Variants in PRKAA1 observed in about 807,000 individuals in gnomAD.
PRKAA1 encodes the protein protein kinase AMP-activated catalytic subunit alpha 1.
In PRKAA1, 23 loss-of-function variants were observed where a neutral mutation model predicts 56.9. The ratio of observed to expected loss-of-function variants is 0.40; its 90% CI spans 0.29 to 0.57. PRKAA1 has a LOEUF of 0.57. PRKAA1 is among the 20% of genes least tolerant of loss of function. The probability of loss-of-function intolerance (pLI) is 0.39; values close to 1 mark genes in which losing one functional copy is unlikely to be tolerated. For synonymous variants in PRKAA1, 226 were observed against 227.0 expected, an observed-to-expected ratio of 1.00 and a Z score of 0.04; for missense variants, 413 against 679.7, an observed-to-expected ratio of 0.61 and a Z score of 4.36.
rs538267468 is a variant in PRKAA1 at position 40,759,931 on chromosome 5, T to C, written c.*2847A>G. The C allele has an allele frequency of 2.0e-5, 3 of 152,788 alleles. No individual in the cohort carries two copies. In the East Asian group the frequency reaches 5.7e-4, roughly 29 times the overall value. The allele number at this position is 152,788 out of a possible 1,614,324, so 9.5% of individuals were successfully genotyped here. On this transcript the variant is annotated 3_prime_UTR_variant, in exon 9 of 9. Coordinates refer to ENST00000397128, the MANE Select transcript of PRKAA1 (RefSeq NM_006251.6). ...TAGAAAAGTTCCTCTCAGTGAGAAA[T>C]CATTTATTTTAATGGCAAAATTTTT... is the stretch of plus-strand genomic sequence containing the variant.
At chr5:40,779,666 C>T (rs1440405877) in intron 1 of PRKAA1, among the ~76,000 whole-genome samples, 1 of 152,160 alleles carries the variant, frequency 6.6e-6, no homozygotes, top group African/African-American at 2.4e-5. Flanking sequence ...CCTGAATCTT[C>T]TGACAAGATC....
intron 3 of PRKAA1, among the ~76,000 whole-genome samples, chr5:40,772,321 AATAAAT>A (rs1743783547): frequency 6.6e-6 from 1 of 152,226 alleles, no homozygotes; most frequent in Non-Finnish European, 1.5e-5. Context: ...AAAATAGACT[AATAAAT>A]ATAGTCAGAA....
chr5:40,775,758 C>A (rs990164642), intron 2 of PRKAA1, among the ~76,000 whole-genome samples: 5 of 152,026 alleles, frequency 3.3e-5, no homozygotes, highest in African/African-American at 9.7e-5. Context: ...TCTTTGTATA[C>A]AGAGTGCTAA....
intron 3 of PRKAA1, among the ~76,000 whole-genome samples, chr5:40,773,632 C>G (rs939611814): frequency 2.0e-5 from 3 of 152,042 alleles, no homozygotes; most frequent in Non-Finnish European, 2.9e-5. Context: ...ACTAAGCCTA[C>G]AAGAGAAAGC....
intron 1 of PRKAA1, among the ~76,000 whole-genome samples, chr5:40,791,853 CT>C (rs1407554835): frequency 2.6e-5 from 4 of 152,322 alleles, no homozygotes; most frequent in African/African-American, 9.6e-5. Context: ...TTCCCTTATC[CT>C]TCATCTGTCC....
At chr5:40,777,687 A>T (rs1412886934) in intron 1 of PRKAA1, 101 bp from the exon 2 acceptor site, 6 of 1,174,946 alleles carry the variant, frequency 5.1e-6, no homozygotes, top group Non-Finnish European at 7.0e-6. Flanking sequence ...TAATCCCAGC[A>T]CTTTGGGAGG....
chr5:40,763,387 T>C (rs1265796006), intron 8 of PRKAA1, among the ~76,000 whole-genome samples: 1 of 152,184 alleles, frequency 6.6e-6, no homozygotes, highest in Non-Finnish European at 1.5e-5. Flanking sequence ...TTGGAGGGTA[T>C]ACTGGAAACC....
intron 4 of PRKAA1, among the ~76,000 whole-genome samples, chr5:40,771,493 C>T (rs1001821363): frequency 1.3e-5 from 2 of 152,138 alleles, no homozygotes; most frequent in African/African-American, 4.8e-5. Context: ...CAAAGCGAAA[C>T]CCTGCCTCTA....
chr5:40,775,611 A>T (rs1422678544), intron 2 of PRKAA1, 108 bp from the exon 3 acceptor site: 1 of 859,408 alleles, frequency 1.2e-6, no homozygotes, highest in Non-Finnish European at 1.8e-6. Context: ...TAGGAGCTAG[A>T]AAAACTGCAG....
At chr5:40,797,385 C>G (rs889950295) in intron 1 of PRKAA1, among the ~76,000 whole-genome samples, 3 of 152,156 alleles carry the variant, frequency 2.0e-5, no homozygotes, top group Admixed American at 2.0e-4. Flanking sequence ...CCTGTTAATT[C>G]GGAAACACTA....
At chr5:40,788,954 TA>T (rs1208914166) in intron 1 of PRKAA1, among the ~76,000 whole-genome samples, 1 of 152,186 alleles carries the variant, frequency 6.6e-6, no homozygotes, top group Non-Finnish European at 1.5e-5. Context: ...CTCATGCCTG[TA>T]ATCTCAGCAC....
chr5:40,767,051 C>T (rs1193085048), intron 6 of PRKAA1, among the ~76,000 whole-genome samples: 1 of 151,776 alleles, frequency 6.6e-6, no homozygotes, highest in Non-Finnish European at 1.5e-5. Context: ...AAAAGATATA[C>T]ATATATATGG....
At chr5:40,767,407 T>C (rs1289338385) in intron 6 of PRKAA1, 59 bp downstream of exon 6, 16 of 1,438,088 alleles carry the variant, frequency 1.1e-5, no homozygotes, top group African/African-American at 1.4e-5. Context: ...TTTTTTTTTT[T>C]CACATAACTT....
At chr5:40,769,376 A>T (rs1743615808) in intron 5 of PRKAA1, 40 bp downstream of exon 5, 1 of 1,462,894 alleles carries the variant, frequency 6.8e-7, no homozygotes. Flanking sequence ...GAAAAAGACA[A>T]TTTCAAATGT....
intron 3 of PRKAA1, among the ~76,000 whole-genome samples, chr5:40,773,481 TA>T (rs1743846712): frequency 6.6e-6 from 1 of 152,140 alleles, no homozygotes; most frequent in Admixed American, 6.5e-5. Context: ...TGTAACAGAT[TA>T]AATCTTTTGT....
At chr5:40,768,489 T>A in intron 5 of PRKAA1, 1 of 932,306 alleles carries the variant, frequency 1.1e-6, no homozygotes, top group Non-Finnish European at 1.3e-6. Context: ...CAACACCATT[T>A]TTTTAAAAAT....
chr5:40,764,510 A>C lies in PRKAA1; in HGVS notation c.1435+4T>G, dbSNP rs377560500. On this transcript the variant is annotated splice_donor_region_variant and intron_variant, in intron 8 of 8. Coordinates refer to ENST00000397128, the MANE Select transcript of PRKAA1 (RefSeq NM_006251.6). Reference sequence around the variant, plus strand: ...ATCTATGTTGTTTTGTGTGATGTACATACCATCAATACTACGGAAATCCAG... The same window carrying C: ...ATCTATGTTGTTTTGTGTGATGTACCTACCATCAATACTACGGAAATCCAG... 1 of 1,609,892 alleles carries C rather than the reference A, an allele frequency of 6.2e-7. No individual in the cohort carries two copies. Among genetic ancestry groups the C allele is most frequent in the African/African-American group, 1.3e-5 (1 of 74,962 alleles).
intron 1 of PRKAA1, among the ~76,000 whole-genome samples, chr5:40,795,196 C>G (rs961223201): frequency 6.6e-6 from 1 of 151,908 alleles, no homozygotes; most frequent in Non-Finnish European, 1.5e-5. Context: ...TATGAGGACG[C>G]AAAGGCATAA....
At position 40,767,389 on chromosome 5, in the gene PRKAA1, T is replaced by G. The variant is rs1743511571; in HGVS notation, c.821+77A>C. 8.7e-6 allele frequency: 11 copies of G among 1,269,102 alleles called. No individual in the cohort carries two copies. The South Asian group carries it at 9.7e-5, about 11-fold the overall frequency. The allele number at this position is 1,269,102 out of a possible 1,614,324, so 78.6% of individuals were successfully genotyped here. A position where few individuals can be genotyped will look rare whatever the true frequency, so the allele number is the denominator to read the frequency against. ...AACAGGATTACACTGTATATTCTGT[T>G]CTGCAACTTTTTTTTTTTCACATAA... On this transcript the variant is annotated intron_variant, in intron 6 of 8. Transcript: ENST00000397128.
Sources: gnomAD v4.1 joint callset for allele counts (sites outside exome capture counted in the v4.1 genomes callset) on GRCh38, gnomAD v4.1.1 for gene constraint, MANE v1.5 for transcripts, NCBI Gene and HGNC (gene_info 2026-07-23, HGNC 2026-07-21) for gene names.